NSMAF: variants seen among roughly 807,000 people sequenced by gnomAD.
NSMAF encodes the protein protein FAN.
Under a neutral mutation model 134.9 loss-of-function variants are expected in NSMAF, and 90 were observed. The ratio of observed to expected loss-of-function variants is 0.67; its 90% confidence interval spans 0.56 to 0.79. The LOEUF (loss-of-function observed/expected upper bound fraction) is 0.79, where lower values mean the gene tolerates loss of function less well. NSMAF is among the 30% of genes least tolerant of loss of function. NSMAF has a pLI of 0.00. For missense variants in NSMAF, 1,010 were observed against 1,119.0 expected, an observed-to-expected ratio of 0.90 and a Z score of 1.39; for synonymous variants, 358 against 389.6, an observed-to-expected ratio of 0.92 and a Z score of 0.96.
chr8:58,624,764 G>T (rs1459264214), intron 6 of NSMAF, among the ~76,000 whole-genome samples: 4 of 152,154 alleles, frequency 2.6e-5, no homozygotes, highest in African/African-American at 7.2e-5. Flanking sequence ...GGTCCATTGG[G>T]TCTACAGTGT....
intron 6 of NSMAF, among the ~76,000 whole-genome samples, chr8:58,630,468 G>A (rs1024068288): frequency 3.3e-5 from 5 of 152,004 alleles, no homozygotes; most frequent in South Asian, 2.1e-4. Context: ...TGGCTCTCAC[G>A]AGAGCCTTTA....
chr8:58,644,622 C>A (rs967627692), intron 1 of NSMAF, among the ~76,000 whole-genome samples: 3 of 152,280 alleles, frequency 2.0e-5, no homozygotes, highest in East Asian at 3.9e-4. Flanking sequence ...TGGGTATATA[C>A]CCAAAGGATT....
intron 12 of NSMAF, among the ~76,000 whole-genome samples, chr8:58,604,548 G>T (rs930343884): frequency 2.7e-5 from 3 of 110,918 alleles, no homozygotes; most frequent in Admixed American, 1.1e-4. Context: ...TAACTACATA[G>T]ATATATATAA....
intron 9 of NSMAF, among the ~76,000 whole-genome samples, chr8:58,614,801 C>T (rs1435984988): frequency 6.6e-6 from 1 of 152,132 alleles, no homozygotes; most frequent in Non-Finnish European, 1.5e-5. Flanking sequence ...ATATCCCTGT[C>T]ATTAAGTGAT....
chr8:58,643,964 C>G (rs1220723834), intron 1 of NSMAF, among the ~76,000 whole-genome samples: 2 of 152,158 alleles, frequency 1.3e-5, no homozygotes, highest in Non-Finnish European at 2.9e-5. Context: ...GTCATTTAAA[C>G]TTTTAAAAAC....
intron 1 of NSMAF, among the ~76,000 whole-genome samples, chr8:58,648,621 T>C (rs1002309078): frequency 6.6e-6 from 1 of 152,202 alleles, no homozygotes; most frequent in South Asian, 2.1e-4. Flanking sequence ...AGCTTCCCAC[T>C]ACCCCATACA....
chr8:58,611,422 C>T (rs1806526312), intron 9 of NSMAF, among the ~76,000 whole-genome samples: 1 of 152,062 alleles, frequency 6.6e-6, no homozygotes, highest in Non-Finnish European at 1.5e-5. Context: ...TGCCTGTGGT[C>T]CCAGCTACTC....
intron 1 of NSMAF, among the ~76,000 whole-genome samples, chr8:58,647,752 C>T (rs1807492572): frequency 6.6e-6 from 1 of 152,208 alleles, no homozygotes; most frequent in African/African-American, 2.4e-5. Flanking sequence ...GATGCTGGTG[C>T]CTTGCTTCCT....
At chr8:58,625,986 G>T (rs187486176) in intron 6 of NSMAF, among the ~76,000 whole-genome samples, 1 of 150,064 alleles carries the variant, frequency 6.7e-6, no homozygotes, top group East Asian at 2.0e-4. Flanking sequence ...TGAGGTTTTG[G>T]TTTACCTGTC....
chr8:58,617,747 G>T (rs1806694927), intron 9 of NSMAF, among the ~76,000 whole-genome samples: 2 of 152,350 alleles, frequency 1.3e-5, no homozygotes, highest in South Asian at 4.1e-4. Context: ...GTGGAAGACA[G>T]TGTGGCGATT....
At chr8:58,613,133 C>T (rs1481362489) in intron 9 of NSMAF, among the ~76,000 whole-genome samples, 1 of 151,800 alleles carries the variant, frequency 6.6e-6, no homozygotes, top group East Asian at 1.9e-4. Flanking sequence ...AGAAAGGAAA[C>T]AAGACTAGAA....
intron 9 of NSMAF, among the ~76,000 whole-genome samples, chr8:58,620,256 G>A (rs192721260): frequency 6.6e-6 from 1 of 152,188 alleles, no homozygotes; most frequent in Non-Finnish European, 1.5e-5. Flanking sequence ...GCTGAAATAA[G>A]AAGAATAAGC....
chr8:58,642,148 T>G (rs1294853353), intron 2 of NSMAF, among the ~76,000 whole-genome samples: 1 of 152,216 alleles, frequency 6.6e-6, no homozygotes, highest in Non-Finnish European at 1.5e-5. Context: ...TTAGCTTGTA[T>G]TTAAACAAAT....
At chr8:58,611,532 A>C (rs1806530580) in intron 9 of NSMAF, among the ~76,000 whole-genome samples, 1 of 152,164 alleles carries the variant, frequency 6.6e-6, no homozygotes, top group Non-Finnish European at 1.5e-5. Context: ...AACAAGAACA[A>C]AAGATGGACA....
intron 2 of NSMAF, among the ~76,000 whole-genome samples, chr8:58,636,233 G>A (rs1807170966): frequency 6.6e-6 from 1 of 152,122 alleles, no homozygotes; most frequent in South Asian, 2.1e-4. Context: ...GGTCACTCTT[G>A]TCTTGTGTAT....
intron 11 of NSMAF, 67 bp from the exon 12 acceptor site, chr8:58,606,102 T>C (rs1806405658): frequency 1.6e-6 from 2 of 1,265,790 alleles, no homozygotes; most frequent in Non-Finnish European, 2.1e-6. Flanking sequence ...CCAATATAAG[T>C]ATATAATTAC....
At chr8:58,624,704 A>G (rs565840776) in intron 6 of NSMAF, among the ~76,000 whole-genome samples, 1 of 152,266 alleles carries the variant, frequency 6.6e-6, no homozygotes, top group East Asian at 1.9e-4. Context: ...TGTGCTTGAG[A>G]GGAAAGTGTA....
rs78517028 is a variant in NSMAF, at chr8:58,620,501, G to A, written c.557+2719C>T. 1.5e-4 allele frequency among the ~76,000 whole-genome samples: 23 copies of A among 152,230 alleles called. No individual in the cohort carries two copies. The East Asian group carries it at 3.5e-3, about 23-fold the overall frequency. On this transcript the variant is annotated intron_variant, in intron 9 of 30. Transcript: ENST00000038176. ...TCCTGAAGGCACTGGGGATGGGGGC[G>A]TCTTGAAAATTTTTATTTTATTTAT... is the stretch of plus-strand genomic sequence containing the variant.
intron 1 of NSMAF, among the ~76,000 whole-genome samples, chr8:58,647,419 C>T (rs1585765022): frequency 6.6e-6 from 1 of 152,210 alleles, no homozygotes; most frequent in Non-Finnish European, 1.5e-5. Flanking sequence ...CCATTGGAAA[C>T]ATCCCCCCAG....
Sources: allele counts gnomAD v4.1 joint callset (sites outside exome capture counted in the v4.1 genomes callset), GRCh38; gene constraint gnomAD v4.1.1; transcripts MANE v1.5; gene names NCBI Gene and HGNC (gene_info 2026-07-23, HGNC 2026-07-21).